PRLHR: variants seen among roughly 807,000 people sequenced by gnomAD.
The protein encoded by PRLHR is prolactin releasing hormone receptor, also known as prolactin-releasing peptide receptor.
PRLHR carries 10 observed loss-of-function variants against 9.3 expected under a neutral mutation model. The ratio of observed to expected loss-of-function variants is 1.08; its 90% CI spans 0.66 to 1.82. The LOEUF is 1.82. Among genes scored for constraint, PRLHR ranks in the 40% most tolerant of loss-of-function variants. The pLI is 0.00. For synonymous variants in PRLHR, 261 were observed against 249.3 expected (o/e 1.05, Z -0.44); for missense variants, 589 against 512.0 (o/e 1.15, Z -1.45).
Position 118,591,993 on chromosome 10 carries a change from C to A in PRLHR, c.*2139G>T, listed in dbSNP as rs1392053419. 1.3e-5 allele frequency: 2 copies of A among 152,122 alleles called. No homozygotes were observed. The highest frequency in any genetic ancestry group is 4.8e-5 in the African/African-American group (2 of 41,412). The allele number at this position is 152,122 out of a possible 1,614,324, so 9.4% of individuals were successfully genotyped here. On this transcript the variant is annotated 3_prime_UTR_variant, in exon 2 of 2. Coordinates refer to ENST00000239032, the MANE Select transcript of PRLHR (RefSeq NM_004248.3). ...TACAGGTGTAAGCCACCATGCCCAG[C>A]CCTAGAAAGGATAATTCTTAAGGTG...
At position 118,595,508 on chromosome 10, in the gene PRLHR, G is replaced by T. The variant is rs1844487992; in HGVS notation, c.-7+8C>A. 1 of 348,774 alleles carries T rather than the reference G, an allele frequency of 2.9e-6. No homozygotes were observed. Among genetic ancestry groups the T allele is most frequent in the Admixed American group, 4.4e-5 (1 of 22,884 alleles). The allele number at this position is 348,774 out of a possible 1,614,324, so 21.6% of individuals were successfully genotyped here. On this transcript the variant is annotated splice_region_variant and intron_variant, in intron 1 of 1. Coordinates refer to ENST00000239032, the MANE Select transcript of PRLHR (RefSeq NM_004248.3). ...TCCACGCAGGCAGACTCAGGAGCGCGATCCTACCTGGGAGTGGGGTTTGGA... is the reference window on the plus strand; with the variant it reads ...TCCACGCAGGCAGACTCAGGAGCGCTATCCTACCTGGGAGTGGGGTTTGGA...
chr10:118,594,135 G>T lies in PRLHR; in HGVS notation c.1110C>A (p.Ile370=). ...ACCAAGGCCTGGCTAAGTGGCATCA[G>T]ATGACCACGCTGACGGTCATATTCT... ...HGQNMTVSVV[I] The change falls in exon 2 of 2, where the codon ATC becomes ATA. Residue 370 remains isoleucine, a synonymous_variant. Transcript: ENST00000239032. The T allele has an allele frequency of 6.6e-7, 1 of 1,520,180 alleles. No homozygotes were observed. Among genetic ancestry groups the T allele is most frequent in the Non-Finnish European group, 8.8e-7 (1 of 1,132,662 alleles). 94.2% of individuals were successfully genotyped at this position (1,520,180 alleles called of 1,614,324 possible).
At chr10:118,595,460 G>T in intron 1 of PRLHR, 56 bp downstream of exon 1, 2 of 432,292 alleles carry the variant, frequency 4.6e-6, no homozygotes, top group South Asian at 8.8e-5. Flanking sequence ...AAACGCTTCC[G>T]CCTCTATTTA....
chr10:118,595,049 G>T lies in PRLHR; in HGVS notation c.196C>A (p.Leu66Ile). The T allele has an allele frequency of 1.2e-6, 2 of 1,609,306 alleles. No individual in the cohort carries two copies. The highest frequency in any genetic ancestry group is 8.5e-7 in the Non-Finnish European group (1 of 1,177,102). The change falls in exon 2 of 2, where the codon CTC becomes ATC. Residue 66 changes from leucine (L) to isoleucine (I), a missense_variant. Transcript: ENST00000239032. Reference protein sequence around the residue: ...VHQLKGLIVLLYSVVVVVGLV... With the variant: ...VHQLKGLIVLIYSVVVVVGLV... ...CCCACGACCACCACGACGCTGTAGA[G>T]CAGCACGATCAGCCCCTTCAGCTGA...
At position 118,593,121 on chromosome 10, in the gene PRLHR, G is replaced by A. The variant is rs1402554503; in HGVS notation, c.*1011C>T. ...TCTGTCCTTAAGTAAACTTCTGCCG[G>A]TCCTTGATTTCTGGGTTGATCATGT... On this transcript the variant is annotated 3_prime_UTR_variant, in exon 2 of 2. Transcript: ENST00000239032. 6.6e-6 allele frequency: 1 copy of A among 152,208 alleles called. No homozygotes were observed. Among genetic ancestry groups the A allele is most frequent in the African/African-American group, 2.4e-5 (1 of 41,430 alleles). The allele number at this position is 152,208 out of a possible 1,614,324, so 9.4% of individuals were successfully genotyped here.
Position 118,595,527 on chromosome 10 carries a change from G to A in PRLHR, c.-18C>T, listed in dbSNP as rs1280147962. The A allele has an allele frequency of 6.3e-6, 2 of 317,524 alleles. No homozygotes were observed. Among genetic ancestry groups the A allele is most frequent in the African/African-American group, 4.3e-5 (2 of 46,956 alleles). 19.7% of individuals were successfully genotyped at this position (317,524 alleles called of 1,614,324 possible). On this transcript the variant is annotated 5_prime_UTR_variant, in exon 1 of 2. Transcript: ENST00000239032. ...GAGCGCGATCCTACCTGGGAGTGGG[G>A]TTTGGAGAGCGGGAAAGCACTCGCG...
At position 118,594,015 on chromosome 10, in the gene PRLHR, G is replaced by A. The variant is rs1017662467; in HGVS notation, c.*117C>T. 1.4e-5 allele frequency: 20 copies of A among 1,410,498 alleles called. No homozygotes were observed. Among genetic ancestry groups the A allele is most frequent in the Non-Finnish European group, 1.8e-5 (19 of 1,072,414 alleles). The allele number at this position is 1,410,498 out of a possible 1,614,324, so 87.4% of individuals were successfully genotyped here. On this transcript the variant is annotated 3_prime_UTR_variant, in exon 2 of 2. Transcript: ENST00000239032. Reference sequence around the variant, plus strand: ...ACAAGAGGGCTGGGCTGGAAATGTTGCCCTATGTTGGCTTAGCTAGCTCTG... The same window carrying A: ...ACAAGAGGGCTGGGCTGGAAATGTTACCCTATGTTGGCTTAGCTAGCTCTG...
chr10:118,594,808 T>C lies in PRLHR; in HGVS notation c.437A>G (p.Tyr146Cys), dbSNP rs1435424067. The C allele has an allele frequency of 1.2e-6, 2 of 1,612,674 alleles. No homozygotes were observed. Among genetic ancestry groups the C allele is most frequent in the Non-Finnish European group, 1.7e-6 (2 of 1,179,860 alleles). The change falls in exon 2 of 2, where the codon TAT (tyrosine) becomes TGT (cysteine). Residue 146 changes from tyrosine (Y) to cysteine (C), a missense_variant. Physicochemically the swap from Tyr to Cys is radical, Grantham distance 194. Transcript: ENST00000239032. ...GGTGGTGAGCGTGAACACCGACACA[T>C]AGACGGTGACCGGCTGCAGGAAGAA... ...LVFFLQPVTV[Y>C]VSVFTLTTIA...
chr10:118,594,375 G>A lies in PRLHR; in HGVS notation c.870C>T (p.Cys290=), dbSNP rs761753891. ...GGTTGAAGACGTGCAGCGGCAGCCA[G>A]CAGACGGCGAACACCACCACGATCA... ...LVVIVVVFAV[C]WLPLHVFNLL... is the part of the protein sequence containing the mutation. Residue 290 remains cysteine, a synonymous_variant, in exon 2 of 2, where the codon TGC becomes TGT. Coordinates refer to ENST00000239032, the MANE Select transcript of PRLHR (RefSeq NM_004248.3). 3 of 1,600,098 alleles carry A rather than the reference G, an allele frequency of 1.9e-6. No homozygotes were observed. The highest frequency in any genetic ancestry group is 2.5e-6 in the Non-Finnish European group (3 of 1,179,624).
Position 118,594,458 on chromosome 10 carries a change from G to C in PRLHR, c.787C>G (p.Gln263Glu). ...GCGCGGTCCCAGTCGGCCTGGCTCT[G>C]GGTCACGCAGCCCGGCACCACGCGG... ...RNRVVPGCVT[Q>E]SQADWDRARR... The change falls in exon 2 of 2, where the codon CAG (glutamine) becomes GAG (glutamate). Residue 263 changes from glutamine (Q) to glutamate (E), a missense_variant. Transcript: ENST00000239032. 1 of 1,602,330 alleles carries C rather than the reference G, an allele frequency of 6.2e-7. No individual in the cohort carries two copies. Among genetic ancestry groups the C allele is most frequent in the Non-Finnish European group, 8.5e-7 (1 of 1,179,084 alleles).
chr10:118,593,842 A>C lies in PRLHR; in HGVS notation c.*290T>G, dbSNP rs1376357465. The C allele has an allele frequency of 3.4e-6, 1 of 292,268 alleles. No individual in the cohort carries two copies. Among genetic ancestry groups the C allele is most frequent in the Non-Finnish European group, 6.0e-6 (1 of 167,676 alleles). 18.1% of individuals were successfully genotyped at this position (292,268 alleles called of 1,614,324 possible). A position where few individuals can be genotyped will look rare whatever the true frequency, so the allele number is the denominator to read the frequency against. ...TTCTGAAATACTTTTCTGAACGTGGAGAAAAAGTTTTGTTTGTCCTTCAAG... is the reference window on the plus strand; with the variant it reads ...TTCTGAAATACTTTTCTGAACGTGGCGAAAAAGTTTTGTTTGTCCTTCAAG... On this transcript the variant is annotated 3_prime_UTR_variant, in exon 2 of 2. Transcript: ENST00000239032.
rs1844436283 is a variant in PRLHR, at chr10:118,591,979, G to A, written c.*2153C>T. 1 of 152,150 alleles carries A rather than the reference G, an allele frequency of 6.6e-6. No individual in the cohort carries two copies. Among genetic ancestry groups the A allele is most frequent in the African/African-American group, 2.4e-5 (1 of 41,420 alleles). 9.4% of individuals were successfully genotyped at this position (152,150 alleles called of 1,614,324 possible). A position where few individuals can be genotyped will look rare whatever the true frequency, so the allele number is the denominator to read the frequency against. Reference sequence around the variant, plus strand: ...CAAAATGCTGGGATTACAGGTGTAAGCCACCATGCCCAGCCCTAGAAAGGA... The same window carrying A: ...CAAAATGCTGGGATTACAGGTGTAAACCACCATGCCCAGCCCTAGAAAGGA... On this transcript the variant is annotated 3_prime_UTR_variant, in exon 2 of 2. Coordinates refer to ENST00000239032, the MANE Select transcript of PRLHR (RefSeq NM_004248.3).
In PRLHR at chr10:118,594,646, T is replaced by C. The variant is rs1282951362; in HGVS notation, c.599A>G (p.His200Arg). The C allele has an allele frequency of 6.3e-7, 1 of 1,586,448 alleles. No homozygotes were observed. Among genetic ancestry groups the C allele is most frequent in the East Asian group, 2.3e-5 (1 of 44,110 alleles). ...CACGTCGTGCGGCTTGAGCTCCACG[T>C]GATAGGTGTGCACGGCGGCGGGCAG... ...LALPAAVHTY[H>R]VELKPHDVRL... The change falls in exon 2 of 2, where the codon CAC becomes CGC. Residue 200 changes from histidine to arginine, a missense_variant. Physicochemically the swap from His to Arg is conservative, Grantham distance 29 (BLOSUM62 0). Transcript: ENST00000239032.
Position 118,594,878 on chromosome 10 carries a change from C to G in PRLHR, c.367G>C (p.Glu123Gln), listed in dbSNP as rs1463004256. The G allele has an allele frequency of 4.3e-6, 7 of 1,613,298 alleles. No homozygotes were observed. In the African/African-American group the frequency reaches 5.3e-5, roughly 12 times the overall value. The change falls in exon 2 of 2, where the codon GAG (glutamate) becomes CAG (glutamine). Residue 123 changes from glutamate to glutamine, a missense_variant. Glu to Gln is a conservative substitution (Grantham distance 29, BLOSUM62 2). Coordinates refer to ENST00000239032, the MANE Select transcript of PRLHR (RefSeq NM_004248.3). Reference protein sequence around the residue: ...CVPLTLAYAFEPRGWVFGGGL... With the variant: ...CVPLTLAYAFQPRGWVFGGGL... ...CCGCCGAACACCCAGCCGCGTGGCT[C>G]GAAGGCATAGGCCAGCGTGAGCGGC...
In PRLHR at chr10:118,595,034, C is replaced by A; in HGVS notation, c.211G>T (p.Val71Leu). ...CAGTTGCCCACCAGCCCCACGACCA[C>A]CACGACGCTGTAGAGCAGCACGATC... ...GLIVLLYSVV[V>L]VVGLVGNCLL... is the part of the protein sequence containing the mutation. The change falls in exon 2 of 2, where the codon GTG (valine) becomes TTG (leucine). Residue 71 changes from valine (V) to leucine (L), a missense_variant. Coordinates refer to ENST00000239032, the MANE Select transcript of PRLHR (RefSeq NM_004248.3). 1.2e-6 allele frequency: 2 copies of A among 1,611,876 alleles called. No homozygotes were observed. Among genetic ancestry groups the A allele is most frequent in the East Asian group, 4.5e-5 (2 of 44,842 alleles).
At position 118,592,131 on chromosome 10, in the gene PRLHR, A is replaced by T. The variant is rs1187660362; in HGVS notation, c.*2001T>A. The T allele has an allele frequency of 1.4e-5, 2 of 141,628 alleles. No homozygotes were observed. The highest frequency in any genetic ancestry group is 5.2e-5 in the African/African-American group (2 of 38,688). 8.8% of individuals were successfully genotyped at this position (141,628 alleles called of 1,614,324 possible). A position where few individuals can be genotyped will look rare whatever the true frequency, so the allele number is the denominator to read the frequency against. ...GGAGGAGAGCCCAGACATCAATTAC[A>T]AAAAGAAAAAAAAGTTCCCCAGGTG... On this transcript the variant is annotated 3_prime_UTR_variant, in exon 2 of 2. Coordinates refer to ENST00000239032, the MANE Select transcript of PRLHR (RefSeq NM_004248.3).
In PRLHR at chr10:118,590,029, A is replaced by T. The variant is rs187679371; in HGVS notation, c.*4103T>A. ...TTAGTATTTATTGAGCTCCCACAAC[A>T]TGCCAAACACAGTATAAACCCCAGC... On this transcript the variant is annotated 3_prime_UTR_variant, in exon 2 of 2. Transcript: ENST00000239032. The T allele has an allele frequency of 1.3e-5, 2 of 152,370 alleles. No homozygotes were observed. The highest frequency in any genetic ancestry group is 1.9e-4 in the East Asian group (1 of 5,192). The allele number at this position is 152,370 out of a possible 1,614,324, so 9.4% of individuals were successfully genotyped here.
intron 1 of PRLHR, 30 bp from the exon 2 acceptor site, chr10:118,595,280 T>A (rs1162543912): frequency 6.7e-7 from 1 of 1,489,226 alleles, no homozygotes; most frequent in Non-Finnish European, 8.9e-7. Context: ...GTCCGTCACT[T>A]CCCTTGCCAT....
rs373828308 is a variant in PRLHR at position 118,594,739 on chromosome 10, C to G, written c.506G>C (p.Arg169Pro). 1 of 1,606,058 alleles carries G rather than the reference C, an allele frequency of 6.2e-7. No homozygotes were observed. The highest frequency in any genetic ancestry group is 8.5e-7 in the Non-Finnish European group (1 of 1,178,170). The change falls in exon 2 of 2, where the codon CGG (arginine) becomes CCG (proline). Residue 169 changes from arginine to proline, a missense_variant. Transcript: ENST00000239032. Reference sequence around the variant, plus strand: ...GGCGCTGAGGCGCAGCGAGATGCGCCGCCTCAGCGGGTGCACCAGCACGAC... The same window carrying G: ...GGCGCTGAGGCGCAGCGAGATGCGCGGCCTCAGCGGGTGCACCAGCACGAC... ...RYVVLVHPLRRRISLRLSAYA... is the reference protein window; with the variant it reads ...RYVVLVHPLRPRISLRLSAYA...
Sources: allele counts gnomAD v4.1 joint callset, GRCh38; gene constraint gnomAD v4.1.1; transcripts MANE v1.5; gene names NCBI Gene and HGNC (gene_info 2026-07-23, HGNC 2026-07-21).